GAD2: variants seen among roughly 807,000 people sequenced by gnomAD.
The protein encoded by GAD2 is glutamate decarboxylase 2.
GAD2 carries 22 observed loss-of-function variants against 80.1 expected under a neutral mutation model. The observed-to-expected ratio is 0.27, with a 90% CI of 0.20 to 0.39. GAD2 has a LOEUF of 0.39. GAD2 is among the 10% of genes least tolerant of loss of function. The pLI, the probability that GAD2 is intolerant of heterozygous loss-of-function variation, is 1.00. For synonymous variants in GAD2, 274 were observed against 256.9 expected (o/e 1.07, Z -0.64); for missense variants, 624 against 738.4 (o/e 0.85, Z 1.80).
Position 26,292,807 on chromosome 10 carries a change from T to C in GAD2, c.1495-95T>C, listed in dbSNP as rs532190537. On this transcript the variant is annotated intron_variant, in intron 14 of 15. Coordinates refer to ENST00000376261, the MANE Select transcript of GAD2 (RefSeq NM_001134366.2). ...TCCTGATTGAAAAGTGGGAATTGTG[T>C]TCTGAACCTGCTGAATACATCGATT... 3 of 1,079,598 alleles carry C rather than the reference T, an allele frequency of 2.8e-6. No homozygotes were observed. The East Asian group carries it at 7.1e-5, about 25-fold the overall frequency. The allele number at this position is 1,079,598 out of a possible 1,614,324, so 66.9% of individuals were successfully genotyped here. A position where few individuals can be genotyped will look rare whatever the true frequency, so the allele number is the denominator to read the frequency against.
chr10:26,260,601 G>A (rs141735708), intron 8 of GAD2, among the ~76,000 whole-genome samples: 178 of 152,240 alleles, frequency 1.2e-3, no homozygotes, highest in African/African-American at 4.0e-3. Context: ...GCACTCCAGC[G>A]TGGGTGCCAG....
intron 8 of GAD2, among the ~76,000 whole-genome samples, chr10:26,251,450 C>T (rs941644160): frequency 2.6e-5 from 4 of 152,096 alleles, no homozygotes; most frequent in South Asian, 2.1e-4. Context: ...AAAGTAATGG[C>T]GCCTGCTTCA....
intron 10 of GAD2, among the ~76,000 whole-genome samples, chr10:26,272,058 C>T (rs1043047248): frequency 4.1e-4 from 63 of 152,324 alleles, no homozygotes; most frequent in African/African-American, 1.5e-3. Context: ...CCACACCTGG[C>T]CTCATTAATG....
chr10:26,273,975 G>A (rs1165276528), intron 11 of GAD2, among the ~76,000 whole-genome samples: 1 of 152,116 alleles, frequency 6.6e-6, no homozygotes, highest in Non-Finnish European at 1.5e-5. Context: ...CCTGTCTAGG[G>A]TCTATTCCTG....
intron 7 of GAD2, among the ~76,000 whole-genome samples, chr10:26,245,374 A>T (rs1844794559): frequency 6.7e-6 from 1 of 149,332 alleles, no homozygotes; most frequent in African/African-American, 2.6e-5. Flanking sequence ...CTGGAACTTA[A>T]AATAAAAATA....
chr10:26,230,592 G>A (rs1844589145), intron 7 of GAD2, among the ~76,000 whole-genome samples: 2 of 152,054 alleles, frequency 1.3e-5, no homozygotes, highest in Admixed American at 1.3e-4. Flanking sequence ...GTATCACCAT[G>A]GCTGACTAAT....
chr10:26,271,824 ATCT>A (rs374386961), intron 10 of GAD2, among the ~76,000 whole-genome samples: 43 of 151,858 alleles, frequency 2.8e-4, no homozygotes, highest in African/African-American at 9.4e-4. Context: ...CAGTGGCGTG[ATCT>A]TAGCTCACCG....
intron 11 of GAD2, among the ~76,000 whole-genome samples, chr10:26,277,194 A>G (rs1165496222): frequency 6.6e-6 from 1 of 152,226 alleles, no homozygotes. Flanking sequence ...CAGGCTGAAG[A>G]GACACACAAG....
intron 14 of GAD2, 78 bp from the exon 15 acceptor site, chr10:26,292,824 A>G: frequency 8.5e-7 from 1 of 1,176,146 alleles, no homozygotes; most frequent in South Asian, 1.2e-5. Flanking sequence ...CCTGCTGAAT[A>G]CATCGATTTG....
intron 8 of GAD2, among the ~76,000 whole-genome samples, chr10:26,262,061 T>G (rs1021097670): frequency 3.3e-5 from 5 of 152,148 alleles, no homozygotes; most frequent in Admixed American, 6.5e-5. Context: ...ATCTATAGGT[T>G]TCTCTGGGCT....
intron 8 of GAD2, among the ~76,000 whole-genome samples, chr10:26,246,233 C>A (rs1026386386): frequency 2.6e-5 from 4 of 152,190 alleles, no homozygotes; most frequent in Non-Finnish European, 5.9e-5. Flanking sequence ...TTTGTTAAAT[C>A]CATCAAAATA....
chr10:26,238,011 C>G (rs12242900), intron 7 of GAD2, among the ~76,000 whole-genome samples: 1 of 132,032 alleles, frequency 7.6e-6, no homozygotes, highest in Non-Finnish European at 1.6e-5. Flanking sequence ...CACAGACACA[C>G]ACACACACAC....
At chr10:26,237,932 G>A (rs141744840) in intron 7 of GAD2, among the ~76,000 whole-genome samples, 1,823 of 151,634 alleles carry the variant, frequency 0.012, 43 homozygotes, top group African/African-American at 0.042. Flanking sequence ...ACTTGAACCC[G>A]GGAAGCAAAG....
chr10:26,241,623 C>T (rs1844744049), intron 7 of GAD2, among the ~76,000 whole-genome samples: 1 of 152,040 alleles, frequency 6.6e-6, no homozygotes, highest in Admixed American at 6.5e-5. Flanking sequence ...AAACTTTCCC[C>T]AACACGTTAC....
intron 7 of GAD2, among the ~76,000 whole-genome samples, chr10:26,240,526 G>A (rs1844727197): frequency 6.6e-6 from 1 of 152,054 alleles, no homozygotes; most frequent in Non-Finnish European, 1.5e-5. Flanking sequence ...GAGATCAGGA[G>A]TTCGAGACCA....
chr10:26,253,979 C>T (rs1456636723), intron 8 of GAD2, among the ~76,000 whole-genome samples: 2 of 152,108 alleles, frequency 1.3e-5, no homozygotes, highest in African/African-American at 4.8e-5. Context: ...GAAACTGTTC[C>T]ACCTCAGATC....
chr10:26,271,562 G>T (rs376083942), intron 10 of GAD2, among the ~76,000 whole-genome samples: 1 of 152,118 alleles, frequency 6.6e-6, no homozygotes, highest in East Asian at 1.9e-4. Flanking sequence ...CAAACTAAGC[G>T]CAATGCTTGG....
At chr10:26,236,256 G>C (rs533227748) in intron 7 of GAD2, among the ~76,000 whole-genome samples, 1 of 151,948 alleles carries the variant, frequency 6.6e-6, no homozygotes, top group African/African-American at 2.4e-5. Context: ...GGGCCTACAG[G>C]CTTGAGCCAC....
At position 26,217,818 on chromosome 10, in the gene GAD2, C is replaced by T; in HGVS notation, c.137-24C>T. The T allele has an allele frequency of 6.9e-6, 11 of 1,588,490 alleles. No individual in the cohort carries two copies. The highest frequency in any genetic ancestry group is 9.4e-6 in the Non-Finnish European group (11 of 1,166,830). On this transcript the variant is annotated intron_variant, in intron 2 of 15. Coordinates refer to ENST00000376261, the MANE Select transcript of GAD2 (RefSeq NM_001134366.2). The surrounding 1 kb of genome is among the most constrained non-coding windows in gnomAD (Gnocchi z 4.9). ...CGGGCCCGGCGGAGGATTGACGAGG[C>T]CCGCGTTCGGTGTCCTTACCCAGCC...
Sources: allele counts gnomAD v4.1 joint callset (sites outside exome capture counted in the v4.1 genomes callset), GRCh38; gene constraint gnomAD v4.1.1; non-coding constraint Gnocchi (gnomAD v3.1); transcripts MANE v1.5; gene names NCBI Gene and HGNC (gene_info 2026-07-23, HGNC 2026-07-21).